Variants in POLA1 observed in about 807,000 individuals in gnomAD.
The protein encoded by POLA1 is DNA polymerase alpha catalytic subunit.
A neutral mutation model predicts 124.0 loss-of-function variants in POLA1; 15 were observed. The ratio of observed to expected loss-of-function variants is 0.12; its 90% CI spans 0.08 to 0.19. The LOEUF (loss-of-function observed/expected upper bound fraction) is 0.19, where lower values mean the gene tolerates loss of function less well. Among genes scored for constraint, POLA1 ranks in the 10% least tolerant of loss-of-function variants. POLA1 has a pLI of 1.00. For missense variants in POLA1, 886 were observed against 1,103.4 expected (o/e 0.80, Z 2.79); for synonymous variants, 408 against 389.4 (o/e 1.05, Z -0.56).
intron 26 of POLA1, among the ~76,000 whole-genome samples, chrX:24,767,514 A>G (rs1932934417): frequency 8.9e-6 from 1 of 112,296 alleles, no homozygotes. Context: ...ATCCTGTTAG[A>G]CACTGTTCTA....
chrX:24,698,784 G>C (rs1196878339), intron 1 of POLA1, among the ~76,000 whole-genome samples: 2 of 111,172 alleles, frequency 1.8e-5, no homozygotes, highest in Non-Finnish European at 3.8e-5. Context: ...CTCCCAAGTA[G>C]CTGGGGTTAC....
At position 24,748,418 on chromosome X, in the gene POLA1, G is replaced by C. The variant is rs1035175247; in HGVS notation, c.2799G>C (p.Gln933His). The change falls in exon 25 of 37, where the codon CAG becomes CAC. Residue 933 changes from glutamine to histidine, a missense_variant. This residue lies in a region of POLA1 where 182 missense variants were observed against 252.8 expected (regional missense o/e 0.72). Transcript: ENST00000379068. Reference sequence around the variant, plus strand: ...TAGAACGGAGAAAACAAGTCAAACAGCTAATGAAACAGCAAGACTTAAATC... The same window carrying C: ...TAGAACGGAGAAAACAAGTCAAACACCTAATGAAACAGCAAGACTTAAATC... ...KLVERRKQVK[Q>H]LMKQQDLNPD... The C allele has an allele frequency of 8.3e-7, 1 of 1,202,183 alleles. No homozygotes were observed. The highest frequency in any genetic ancestry group is 1.7e-5 in the African/African-American group (1 of 57,212).
At chrX:24,947,577 A>G (rs1230619571) in intron 36 of POLA1, among the ~76,000 whole-genome samples, 1 of 111,259 alleles carries the variant, frequency 9.0e-6, no homozygotes, top group Non-Finnish European at 1.9e-5. Flanking sequence ...AGCCACCTGC[A>G]GATTTTTCTA....
intron 34 of POLA1, among the ~76,000 whole-genome samples, chrX:24,874,990 G>GT (rs1279639587): frequency 1.8e-5 from 2 of 111,878 alleles, no homozygotes; most frequent in Non-Finnish European, 3.8e-5. Context: ...CCTGCTAAGT[G>GT]TTTGCCATTC....
intron 36 of POLA1, among the ~76,000 whole-genome samples, chrX:24,950,811 TTTA>T (rs2048028004): frequency 8.9e-6 from 1 of 112,022 alleles, no homozygotes. Context: ...CCTGGTGTTT[TTTA>T]TTTTCTAAGA....
intron 36 of POLA1, among the ~76,000 whole-genome samples, chrX:24,978,194 C>CT (rs940924248): frequency 9.0e-6 from 1 of 111,543 alleles, no homozygotes; most frequent in African/African-American, 3.3e-5. Context: ...TCAATGTAGG[C>CT]TTTTTTGTGT....
intron 35 of POLA1, among the ~76,000 whole-genome samples, chrX:24,909,873 G>A: frequency 9.1e-6 from 1 of 110,069 alleles, no homozygotes; most frequent in Non-Finnish European, 1.9e-5. Context: ...CATGAGCATG[G>A]AATGTTCTTC....
At chrX:24,761,102 A>C (rs754641160) in intron 26 of POLA1, among the ~76,000 whole-genome samples, 1 of 112,227 alleles carries the variant, frequency 8.9e-6, no homozygotes, top group Non-Finnish European at 1.9e-5. Flanking sequence ...GCAACAAAGC[A>C]TGAGTGATTT....
intron 26 of POLA1, among the ~76,000 whole-genome samples, chrX:24,778,360 A>G (rs751307579): frequency 9.0e-6 from 1 of 111,057 alleles, no homozygotes; most frequent in Non-Finnish European, 1.9e-5. Context: ...CCTCCTGAGT[A>G]GCTGGGACTA....
intron 34 of POLA1, among the ~76,000 whole-genome samples, chrX:24,853,563 C>T (rs2046594636): frequency 8.9e-6 from 1 of 111,981 alleles, no homozygotes. Flanking sequence ...ATATCATCAC[C>T]AGTCTCATCA....
intron 19 of POLA1, among the ~76,000 whole-genome samples, chrX:24,738,691 A>G (rs931004516): frequency 9.0e-6 from 1 of 111,625 alleles, no homozygotes; most frequent in Non-Finnish European, 1.9e-5. Flanking sequence ...TGCTTGCTTC[A>G]TGTATGGAGG....
intron 4 of POLA1, among the ~76,000 whole-genome samples, chrX:24,708,246 A>T (rs1462567198): frequency 1.8e-5 from 2 of 111,241 alleles, no homozygotes; most frequent in African/African-American, 3.3e-5. Flanking sequence ...TGAATTTTAT[A>T]TACTAAACAT....
chrX:24,801,924 G>GGTGGGTGTGTGTGT (rs1555994716), intron 26 of POLA1, among the ~76,000 whole-genome samples: 35 of 74,540 alleles, frequency 4.7e-4, no homozygotes, highest in Admixed American at 1.3e-3. Context: ...GAGGTGGGTG[G>GGTGGGTGTGTGTGT]GTGTGTGTGT....
chrX:24,977,536 G>C (rs774011322), intron 36 of POLA1, among the ~76,000 whole-genome samples: 3 of 112,059 alleles, frequency 2.7e-5, no homozygotes, highest in Non-Finnish European at 3.8e-5. Context: ...GTCTGGGGCA[G>C]TTTTCATTTA....
chrX:24,755,311 C>CTA (rs1317023376), intron 26 of POLA1, among the ~76,000 whole-genome samples: 2 of 112,244 alleles, frequency 1.8e-5, no homozygotes, highest in Non-Finnish European at 1.9e-5. Flanking sequence ...TTTAAACTTA[C>CTA]TATATATATA....
At chrX:24,740,636 G>A (rs1356208577) in intron 20 of POLA1, among the ~76,000 whole-genome samples, 3 of 111,193 alleles carry the variant, frequency 2.7e-5, no homozygotes. Flanking sequence ...TCCTTATCTC[G>A]TACTGCTCTT....
At chrX:24,759,535 T>C (rs1398468660) in intron 26 of POLA1, among the ~76,000 whole-genome samples, 1 of 112,136 alleles carries the variant, frequency 8.9e-6, no homozygotes, top group African/African-American at 3.2e-5. Context: ...AAGAAGGTCT[T>C]GATATTTAAG....
intron 35 of POLA1, among the ~76,000 whole-genome samples, chrX:24,930,026 C>T (rs965850646): frequency 7.1e-5 from 8 of 111,966 alleles, no homozygotes; most frequent in African/African-American, 2.6e-4. Flanking sequence ...AATCATAAAA[C>T]GGGGCTCATG....
At chrX:24,994,621 G>C (rs1401240162) in intron 36 of POLA1, among the ~76,000 whole-genome samples, 1 of 111,408 alleles carries the variant, frequency 9.0e-6, no homozygotes, top group African/African-American at 3.3e-5. Context: ...GGAGTGGGCA[G>C]AAGTGAGCCT....
Sources: gnomAD v4.1 joint callset for allele counts (sites outside exome capture counted in the v4.1 genomes callset) on GRCh38, gnomAD v4.1.1 for gene constraint, gnomAD v4.1.1 regional missense constraint, MANE v1.5 for transcripts, NCBI Gene and HGNC (gene_info 2026-07-23, HGNC 2026-07-21) for gene names.